KCNQ3: variants seen among roughly 807,000 people sequenced by gnomAD.
KCNQ3 encodes the protein potassium voltage-gated channel subfamily Q member 3, also known as potassium voltage-gated channel subfamily KQT member 3.
In KCNQ3, 30 loss-of-function variants were observed where a neutral mutation model predicts 92.5. The ratio of observed to expected loss-of-function variants is 0.32; its 90% CI spans 0.24 to 0.44. The LOEUF is 0.44. KCNQ3 is among the 20% of genes least tolerant of loss of function. The pLI is 1.00. For synonymous variants in KCNQ3, 450 were observed against 468.8 expected (o/e 0.96, Z 0.52); for missense variants, 913 against 1,140.3 (o/e 0.80, Z 2.87).
intron 1 of KCNQ3, among the ~76,000 whole-genome samples, chr8:132,416,765 G>A (rs1293763997): frequency 1.3e-5 from 2 of 152,176 alleles, no homozygotes; most frequent in African/African-American, 2.4e-5. Context: ...GGAAGGTGGT[G>A]CCCAGGGCTG....
Position 132,322,738 on chromosome 8 carries a change from G to A in KCNQ3, c.387-136557C>T, listed in dbSNP as rs530888564. ...AAATATGTTTGCATGGGAATCTTGG[G>A]GCAGAAAGCTTTGTCCTCATCCCTC... On this transcript the variant is annotated intron_variant, in intron 1 of 14. Transcript: ENST00000388996. Among the ~76,000 whole-genome samples the A allele has an allele frequency of 1.5e-4, 23 of 152,180 alleles. 1 individual carries two copies. Among genetic ancestry groups the A allele is most frequent in the South Asian group, 1.2e-3 (6 of 4,818 alleles).
rs2130712198 is a variant in KCNQ3, at chr8:132,355,338, C to T, written c.386+124809G>A. Among the ~76,000 whole-genome samples, 4 of 152,102 alleles carry T rather than the reference C, an allele frequency of 2.6e-5. 1 individual carries two copies. The Middle Eastern group carries it at 0.014, about 517-fold the overall frequency. ...TCTGTGCCTCCCCTCCACTCCAGCA[C>T]CATCACAGCCACCCTGATGACTGAA... On this transcript the variant is annotated intron_variant, in intron 1 of 14. Coordinates refer to ENST00000388996, the MANE Select transcript of KCNQ3 (RefSeq NM_004519.4).
intron 1 of KCNQ3, among the ~76,000 whole-genome samples, chr8:132,312,523 A>T (rs1161246107): frequency 2.0e-5 from 3 of 152,126 alleles, no homozygotes; most frequent in Non-Finnish European, 1.5e-5. Flanking sequence ...CATGTGCTCC[A>T]CCACTGGATC....
At chr8:132,477,410 C>T (rs989740424) in intron 1 of KCNQ3, among the ~76,000 whole-genome samples, 1 of 150,980 alleles carries the variant, frequency 6.6e-6, no homozygotes, top group Non-Finnish European at 1.5e-5. Context: ...ATTTCCTGGG[C>T]CCATTGTGCC....
intron 1 of KCNQ3, among the ~76,000 whole-genome samples, chr8:132,257,100 C>T (rs1163913868): frequency 1.3e-5 from 2 of 151,818 alleles, no homozygotes; most frequent in Non-Finnish European, 2.9e-5. Flanking sequence ...AATGGTAGCA[C>T]AAAGAAGAGA....
chr8:132,165,648 C>T (rs1353102325), intron 8 of KCNQ3, among the ~76,000 whole-genome samples: 3 of 152,218 alleles, frequency 2.0e-5, no homozygotes, highest in South Asian at 2.1e-4. Flanking sequence ...ATTATCCAAA[C>T]AACCCTTGTG....
At chr8:132,336,306 G>A (rs1280111220) in intron 1 of KCNQ3, among the ~76,000 whole-genome samples, 1 of 152,140 alleles carries the variant, frequency 6.6e-6, no homozygotes, top group Non-Finnish European at 1.5e-5. Flanking sequence ...TGGGTCAGTG[G>A]GCCACACACC....
intron 1 of KCNQ3, among the ~76,000 whole-genome samples, chr8:132,268,324 G>T (rs1418233782): frequency 6.6e-6 from 1 of 152,150 alleles, no homozygotes; most frequent in Non-Finnish European, 1.5e-5. Context: ...TCACCCAGCA[G>T]CGCGATCTTG....
chr8:132,201,882 CTGCCCGGG>C (rs1299324041), intron 1 of KCNQ3, among the ~76,000 whole-genome samples: 1 of 152,240 alleles, frequency 6.6e-6, no homozygotes, highest in African/African-American at 2.4e-5. Flanking sequence ...TGACAAGTCT[CTGCCCGGG>C]CCCCCAGGCT....
chr8:132,480,811 C>A lies in KCNQ3; in HGVS notation c.-279G>T. 6.1e-6 allele frequency: 1 copy of A among 165,088 alleles called. No homozygotes were observed. The highest frequency in any genetic ancestry group is 1.3e-5 in the Non-Finnish European group (1 of 79,910). The allele number at this position is 165,088 out of a possible 1,614,324, so 10.2% of individuals were successfully genotyped here. A position where few individuals can be genotyped will look rare whatever the true frequency, so the allele number is the denominator to read the frequency against. On this transcript the variant is annotated 5_prime_UTR_variant, in exon 1 of 15. Coordinates refer to ENST00000388996, the MANE Select transcript of KCNQ3 (RefSeq NM_004519.4). ...GGGGGCTGCGGAGAAGCTGGGAGGG[C>A]GCGCGAGGCTGGCGCGGAGGCGCTA...
At chr8:132,383,339 A>G (rs912804074) in intron 1 of KCNQ3, among the ~76,000 whole-genome samples, 5 of 152,088 alleles carry the variant, frequency 3.3e-5, no homozygotes, top group Admixed American at 6.5e-5. Flanking sequence ...TTTCTTGCAG[A>G]TTGTAGGATC....
At chr8:132,349,683 CA>C (rs1189185140) in intron 1 of KCNQ3, among the ~76,000 whole-genome samples, 1 of 152,228 alleles carries the variant, frequency 6.6e-6, no homozygotes, top group Non-Finnish European at 1.5e-5. Flanking sequence ...AGGAGACCTG[CA>C]GAGCAGACCT....
intron 1 of KCNQ3, among the ~76,000 whole-genome samples, chr8:132,479,413 G>A (rs1486164357): frequency 1.3e-5 from 2 of 152,080 alleles, no homozygotes; most frequent in Non-Finnish European, 2.9e-5. Context: ...CCAAATCAAG[G>A]AGATGTTTCA....
intron 1 of KCNQ3, among the ~76,000 whole-genome samples, chr8:132,280,339 G>A (rs999595052): frequency 6.6e-6 from 1 of 152,184 alleles, no homozygotes; most frequent in Admixed American, 6.5e-5. Context: ...CAAGCATGGT[G>A]CTGGCATCTG....
intron 1 of KCNQ3, among the ~76,000 whole-genome samples, chr8:132,204,378 A>G (rs1364724166): frequency 1.3e-5 from 2 of 152,210 alleles, no homozygotes; most frequent in Non-Finnish European, 2.9e-5. Flanking sequence ...CCTCTGGCAC[A>G]CCTGATCCAC....
chr8:132,326,104 G>C (rs1818044324), intron 1 of KCNQ3, among the ~76,000 whole-genome samples: 1 of 152,128 alleles, frequency 6.6e-6, no homozygotes. Flanking sequence ...CCTGTCTTTG[G>C]GGGCATTGAA....
rs555490474 is a variant in KCNQ3, at chr8:132,436,594, A to G, written c.386+43553T>C. Among the ~76,000 whole-genome samples, 6 of 152,364 alleles carry G rather than the reference A, an allele frequency of 3.9e-5. No homozygotes were observed. In the South Asian group the frequency reaches 1.0e-3, roughly 26 times the overall value. ...TTTGTACAGGAATCTTCTTCAGGCC[A>G]GGCAAATATTTTTGTTTCTTTGTTT... On this transcript the variant is annotated intron_variant, in intron 1 of 14. Transcript: ENST00000388996.
rs35831322 is a variant in KCNQ3, at chr8:132,172,397, TAC to T, written c.1140+199_1140+200del. Among the ~76,000 whole-genome samples, 48,492 of 140,078 alleles carry T rather than the reference TAC, an allele frequency of 0.35. 7,973 individuals carry two copies. Among genetic ancestry groups the T allele is most frequent in the Middle Eastern group, 0.4 (100 of 252 alleles). 91.9% of individuals were successfully genotyped at this position (140,078 alleles called of 152,430 possible). ...GCCTGCTCCTGCCTGGGCACATTAA[TAC>T]ACACACACACACACACACACACACA... On this transcript the variant is annotated intron_variant, in intron 7 of 14. Transcript: ENST00000388996.
In KCNQ3 at chr8:132,267,660, G is replaced by A. The variant is rs76933789; in HGVS notation, c.387-81479C>T. Among the ~76,000 whole-genome samples, 518 of 152,174 alleles carry A rather than the reference G, an allele frequency of 3.4e-3. 2 individuals are homozygous for A. Among genetic ancestry groups the A allele is most frequent in the Non-Finnish European group, 5.9e-3 (398 of 68,014 alleles). ...GCATCTGTGACTCCCAAATATTAAC[G>A]TATATATCAGAACTCCCTAGAAGGC... On this transcript the variant is annotated intron_variant, in intron 1 of 14. Transcript: ENST00000388996.
Sources: gnomAD v4.1 joint callset for allele counts (sites outside exome capture counted in the v4.1 genomes callset) on GRCh38, gnomAD v4.1.1 for gene constraint, MANE v1.5 for transcripts, NCBI Gene and HGNC (gene_info 2026-07-23, HGNC 2026-07-21) for gene names.